The following SEMA3A variants were observed in gnomAD, a reference collection of about 807,000 sequenced individuals.
The protein encoded by SEMA3A is semaphorin 3A, also known as semaphorin-3A.
A neutral mutation model predicts 97.9 loss-of-function variants in SEMA3A; 29 were observed. The observed-to-expected ratio is 0.30, with a 90% confidence interval of 0.22 to 0.40. The LOEUF is 0.40. SEMA3A is among the 10% of genes least tolerant of loss of function. The pLI, the probability that SEMA3A is intolerant of heterozygous loss-of-function variation, is 1.00. For synonymous variants in SEMA3A, 321 were observed against 323.7 expected (o/e 0.99, Z 0.09); for missense variants, 763 against 951.3 (o/e 0.80, Z 2.60).
chr7:84,342,433 CTA>C (rs1802193094), intron 2 of SEMA3A, among the ~76,000 whole-genome samples: 1 of 152,046 alleles, frequency 6.6e-6, no homozygotes, highest in African/African-American at 2.4e-5. Context: ...ACAAGAAACT[CTA>C]TGTTCAAATG....
intron 2 of SEMA3A, among the ~76,000 whole-genome samples, chr7:84,326,708 A>G (rs1277741987): frequency 6.6e-6 from 1 of 152,040 alleles, no homozygotes; most frequent in Non-Finnish European, 1.5e-5. Context: ...TCTGACAAAA[A>G]CAAACAATAG....
intron 3 of SEMA3A, among the ~76,000 whole-genome samples, chr7:84,254,762 TACACCTA>T (rs907306501): frequency 6.6e-6 from 1 of 152,180 alleles, no homozygotes; most frequent in Non-Finnish European, 1.5e-5. Context: ...CCTTGCTTTG[TACACCTA>T]ATCATTATCC....
chr7:84,336,408 T>TCA (rs1802039440), intron 2 of SEMA3A, among the ~76,000 whole-genome samples: 1 of 152,114 alleles, frequency 6.6e-6, no homozygotes, highest in Admixed American at 6.6e-5. Flanking sequence ...TTCTTCTTTT[T>TCA]TCCCCCCAGA....
chr7:84,445,316 CCT>C (rs1442666050), intron 1 of SEMA3A, among the ~76,000 whole-genome samples: 1 of 150,188 alleles, frequency 6.7e-6, no homozygotes, highest in East Asian at 2.0e-4. Context: ...ATGGTGAAAC[CCT>C]GTCTCTACTA....
chr7:84,204,949 G>A (rs1346857663), intron 3 of SEMA3A, among the ~76,000 whole-genome samples: 1 of 152,124 alleles, frequency 6.6e-6, no homozygotes, highest in East Asian at 1.9e-4. Flanking sequence ...ATCTTTTGTG[G>A]CTTGCACAGA....
chr7:84,143,213 C>T (rs1796350540), intron 1 of SEMA3A, among the ~76,000 whole-genome samples: 1 of 152,066 alleles, frequency 6.6e-6, no homozygotes, highest in Non-Finnish European at 1.5e-5. Context: ...GCACTTTCTA[C>T]TGGTGAAAGA....
chr7:84,051,406 T>C (rs1161644596), intron 5 of SEMA3A, among the ~76,000 whole-genome samples: 3 of 152,236 alleles, frequency 2.0e-5, no homozygotes, highest in Non-Finnish European at 2.9e-5. Flanking sequence ...TTTGTACTTC[T>C]CCTTAAAGAG....
rs766742883 is a variant in SEMA3A at position 83,994,554 on chromosome 7, G to C, written c.1452+7401C>G. 2.9e-4 allele frequency among the ~76,000 whole-genome samples: 39 copies of C among 136,342 alleles called. 1 individual carries two copies. Among genetic ancestry groups the C allele is most frequent in the Non-Finnish European group, 4.5e-4 (29 of 63,758 alleles). The allele number at this position is 136,342 out of a possible 152,430, so 89.4% of individuals were successfully genotyped here. ...CTAACAGACAGGACCCTCAGCTGCA[G>C]GTCTGTTGGAATACCCTGCCGTGTG... On this transcript the variant is annotated intron_variant, in intron 12 of 16. Coordinates refer to ENST00000265362, the MANE Select transcript of SEMA3A (RefSeq NM_006080.3).
At chr7:84,107,813 T>C (rs923960919) in intron 4 of SEMA3A, among the ~76,000 whole-genome samples, 10 of 152,172 alleles carry the variant, frequency 6.6e-5, no homozygotes, top group East Asian at 5.8e-4. Context: ...GAATAGCATA[T>C]GGCATTTTAA....
intron 3 of SEMA3A, among the ~76,000 whole-genome samples, chr7:84,202,879 T>C (rs1398646398): frequency 6.6e-6 from 1 of 152,172 alleles, no homozygotes; most frequent in Non-Finnish European, 1.5e-5. Context: ...CATCTATAAA[T>C]CTTTCTGTAT....
chr7:84,483,256 C>G (rs2116437943), intron 1 of SEMA3A, among the ~76,000 whole-genome samples: 1 of 152,120 alleles, frequency 6.6e-6, no homozygotes, highest in African/African-American at 2.4e-5. Flanking sequence ...GTTCCATTCC[C>G]CTCGAAAATT....
At chr7:84,402,114 T>C (rs2158168) in intron 1 of SEMA3A, among the ~76,000 whole-genome samples, 69,742 of 151,954 alleles carry the variant, frequency 0.46, 17,665 homozygotes, top group East Asian at 0.79. Context: ...AGTTAATTGC[T>C]AGAAAATATA....
At chr7:84,405,603 C>G (rs1027784222) in intron 1 of SEMA3A, among the ~76,000 whole-genome samples, 2 of 152,180 alleles carry the variant, frequency 1.3e-5, no homozygotes, top group African/African-American at 4.8e-5. Flanking sequence ...TTCTTTGCAG[C>G]ACCACACCAC....
chr7:84,333,226 A>C (rs529249883), intron 2 of SEMA3A, among the ~76,000 whole-genome samples: 1 of 152,240 alleles, frequency 6.6e-6, no homozygotes, highest in East Asian at 1.9e-4. Context: ...TTTCATCACA[A>C]AAAACTTTGA....
intron 1 of SEMA3A, among the ~76,000 whole-genome samples, chr7:84,192,171 G>A (rs1001069935): frequency 6.6e-6 from 1 of 151,880 alleles, no homozygotes; most frequent in Non-Finnish European, 1.5e-5. Flanking sequence ...CAATGCAGTG[G>A]ATGTTTTAAC....
Position 84,150,387 on chromosome 7 carries a change from T to C in SEMA3A, c.113-15436A>G, listed in dbSNP as rs35957744. ...GGCGCAGGTCAGTGGGTGCGCACACTGTGCGCGAGCCGAAGCAGGGCGAGG... is the reference window on the plus strand; with the variant it reads ...GGCGCAGGTCAGTGGGTGCGCACACCGTGCGCGAGCCGAAGCAGGGCGAGG... On this transcript the variant is annotated intron_variant, in intron 1 of 16. Coordinates refer to ENST00000265362, the MANE Select transcript of SEMA3A (RefSeq NM_006080.3). Among the ~76,000 whole-genome samples the C allele has an allele frequency of 9.2e-3, 1,397 of 151,852 alleles. 23 individuals are homozygous for C. The highest frequency in any genetic ancestry group is 0.03 in the African/African-American group (1,250 of 41,520).
At position 84,101,774 on chromosome 7, in the gene SEMA3A, G is replaced by A. The variant is rs548914731; in HGVS notation, c.453+8696C>T. Among the ~76,000 whole-genome samples, 41 of 152,130 alleles carry A rather than the reference G, an allele frequency of 2.7e-4. No individual in the cohort carries two copies. In the South Asian group the frequency reaches 5.6e-3, roughly 21 times the overall value. On this transcript the variant is annotated intron_variant, in intron 4 of 16. Coordinates refer to ENST00000265362, the MANE Select transcript of SEMA3A (RefSeq NM_006080.3). ...CATTCTATCTTTGCTTTACTTTGTA[G>A]GACTGAGCTGTCCTATACGGGAGCT... is the stretch of plus-strand genomic sequence containing the variant.
In SEMA3A at chr7:84,409,092, A is replaced by G. The variant is rs1804190662; in HGVS notation, c.-245-37192T>C. Among the ~76,000 whole-genome samples, 11 of 149,710 alleles carry G rather than the reference A, an allele frequency of 7.3e-5. No homozygotes were observed. In the South Asian group the frequency reaches 2.3e-3, roughly 31 times the overall value. On this transcript the variant is annotated intron_variant, in intron 1 of 3. Coordinates refer to the SEMA3A transcript ENST00000424555. Reference sequence around the variant, plus strand: ...GTATATATATATTCAAATGTAAAAAAAAATACAGTTAGAAGGATAGGTTCT... The same window carrying G: ...GTATATATATATTCAAATGTAAAAAGAAATACAGTTAGAAGGATAGGTTCT...
intron 3 of SEMA3A, 104 bp from the exon 4 acceptor site, chr7:84,110,693 C>CTTT: frequency 7.6e-6 from 8 of 1,057,670 alleles, no homozygotes; most frequent in Non-Finnish European, 1.0e-5. Context: ...TGTTTTCTTT[C>CTTT]TTTTTTTTTT....
Sources: gnomAD v4.1 joint callset for allele counts (sites outside exome capture counted in the v4.1 genomes callset) on GRCh38, gnomAD v4.1.1 for gene constraint, MANE v1.5 for transcripts, NCBI Gene and HGNC (gene_info 2026-07-23, HGNC 2026-07-21) for gene names.